Variants in KLHL23 observed in about 807,000 individuals in gnomAD.
KLHL23 encodes the protein kelch like family member 23.
In KLHL23, 33 loss-of-function variants were observed where a neutral mutation model predicts 48.9. The ratio of observed to expected loss-of-function variants is 0.67; its 90% confidence interval spans 0.51 to 0.90. The LOEUF (loss-of-function observed/expected upper bound fraction) is 0.90. Ranked by LOEUF, KLHL23 falls within the 40% of genes least tolerant of loss-of-function variation. KLHL23 has a pLI of 0.00. For synonymous variants in KLHL23, 234 were observed against 231.6 expected, an observed-to-expected ratio of 1.01 and a Z score of -0.09; for missense variants, 608 against 669.6, an observed-to-expected ratio of 0.91 and a Z score of 1.02.
At chr2:169,744,105 T>C (rs1403561374) in intron 3 of KLHL23, among the ~76,000 whole-genome samples, 6 of 152,208 alleles carry the variant, frequency 3.9e-5, no homozygotes, top group African/African-American at 1.2e-4. Flanking sequence ...AGACCCTACA[T>C]TGGAAAAGGT....
rs755615978 is a variant in KLHL23, at chr2:169,751,282, A to G, written c.*1550A>G. 77 of 152,164 alleles carry G rather than the reference A, an allele frequency of 5.1e-4. 1 individual carries two copies. Among genetic ancestry groups the G allele is most frequent in the Non-Finnish European group, 8.5e-4 (58 of 68,044 alleles). The allele number at this position is 152,164 out of a possible 1,614,324, so 9.4% of individuals were successfully genotyped here. A position where few individuals can be genotyped will look rare whatever the true frequency, so the allele number is the denominator to read the frequency against. ...TGAGACCATCTATTCCACACTCTTC[A>G]TTTTTTAAAAAGAGACAATAATTAT... On this transcript the variant is annotated 3_prime_UTR_variant, in exon 4 of 4. Coordinates refer to ENST00000392647, the MANE Select transcript of KLHL23 (RefSeq NM_144711.6).
intron 2 of KLHL23, among the ~76,000 whole-genome samples, chr2:169,740,824 T>A (rs1371709184): frequency 6.8e-6 from 1 of 147,910 alleles, no homozygotes; most frequent in African/African-American, 2.5e-5. Context: ...CTCGTTAAAC[T>A]TTTTTGTTAA....
At chr2:169,746,803 A>G (rs1688801393) in intron 3 of KLHL23, among the ~76,000 whole-genome samples, 1 of 152,258 alleles carries the variant, frequency 6.6e-6, no homozygotes, top group Non-Finnish European at 1.5e-5. Flanking sequence ...AAGTAATTTA[A>G]GAAAAGCCTA....
Position 169,749,866 on chromosome 2 carries a change from A to G in KLHL23, c.*134A>G. On this transcript the variant is annotated 3_prime_UTR_variant, in exon 4 of 4. Coordinates refer to ENST00000392647, the MANE Select transcript of KLHL23 (RefSeq NM_144711.6). ...AGGGGATCAGTAAATTGTAATTCCTAACCCTACTGTACTCCCAAACATGGT... is the reference window on the plus strand; with the variant it reads ...AGGGGATCAGTAAATTGTAATTCCTGACCCTACTGTACTCCCAAACATGGT... 9.6e-7 allele frequency: 1 copy of G among 1,040,256 alleles called. No individual in the cohort carries two copies. The highest frequency in any genetic ancestry group is 2.9e-5 in the Admixed American group (1 of 34,536). 64.4% of individuals were successfully genotyped at this position (1,040,256 alleles called of 1,614,324 possible). A position where few individuals can be genotyped will look rare whatever the true frequency, so the allele number is the denominator to read the frequency against.
At position 169,736,122 on chromosome 2, in the gene KLHL23, T is replaced by A; in HGVS notation, c.1108T>A (p.Cys370Ser). 1 of 1,614,180 alleles carries A rather than the reference T, an allele frequency of 6.2e-7. No individual in the cohort carries two copies. Among genetic ancestry groups the A allele is most frequent in the Non-Finnish European group, 8.5e-7 (1 of 1,180,020 alleles). Residue 370 changes from cysteine (C) to serine (S), a missense_variant, in exon 2 of 4, where the codon TGT (cysteine) becomes AGT (serine). Coordinates refer to ENST00000392647, the MANE Select transcript of KLHL23 (RefSeq NM_144711.6). ...CCACTGTGCAGTCACCTTGGGTGGC[T>A]GTGTCTATGCTTTAGGTGGTTACAG... ...YYHCAVTLGG[C>S]VYALGGYRKG... is the part of the protein sequence containing the mutation.
At chr2:169,747,886 G>A (rs1242997262) in intron 3 of KLHL23, among the ~76,000 whole-genome samples, 2 of 152,080 alleles carry the variant, frequency 1.3e-5, no homozygotes, top group Admixed American at 1.3e-4. Flanking sequence ...ACTTTGAGAG[G>A]CTGAGGCAGA....
Position 169,735,434 on chromosome 2 carries a change from T to C in KLHL23, c.420T>C (p.Ile140=). ...LVRHLDIDNC[I]GMHSFAEFHV... ...GGCACTTGGATATTGATAATTGTAT[T>C]GGAATGCACTCCTTTGCAGAATTTC... The change falls in exon 2 of 4, where the codon ATT becomes ATC. Residue 140 remains isoleucine (I), a synonymous_variant. Coordinates refer to ENST00000392647, the MANE Select transcript of KLHL23 (RefSeq NM_144711.6). This position sits in a 1 kb window ranked among gnomAD's most constrained non-coding sequence, Gnocchi z 4.5. 6.2e-7 allele frequency: 1 copy of C among 1,614,000 alleles called. No homozygotes were observed. The highest frequency in any genetic ancestry group is 8.5e-7 in the Non-Finnish European group (1 of 1,180,022).
At chr2:169,746,395 A>C (rs574567089) in intron 3 of KLHL23, among the ~76,000 whole-genome samples, 8 of 152,356 alleles carry the variant, frequency 5.3e-5, no homozygotes, top group South Asian at 2.1e-4. Flanking sequence ...CACTGAATAC[A>C]GACTGCTGTG....
intron 3 of KLHL23, among the ~76,000 whole-genome samples, chr2:169,742,964 G>C (rs529277935): frequency 6.6e-6 from 1 of 152,290 alleles, no homozygotes; most frequent in South Asian, 2.1e-4. Flanking sequence ...GCTAGGTACT[G>C]TTTTTATCAC....
intron 3 of KLHL23, among the ~76,000 whole-genome samples, chr2:169,748,768 ACCG>A (rs1688866135): frequency 1.5e-4 from 1 of 6,650 alleles, no homozygotes; most frequent in African/African-American, 4.6e-4. Flanking sequence ...TAGGAGGAGG[ACCG>A]CCCCCCCCCC....
At position 169,749,835 on chromosome 2, in the gene KLHL23, C is replaced by A; in HGVS notation, c.*103C>A. 1.5e-6 allele frequency: 2 copies of A among 1,376,502 alleles called. No homozygotes were observed. Among genetic ancestry groups the A allele is most frequent in the Non-Finnish European group, 9.8e-7 (1 of 1,020,984 alleles). 85.3% of individuals were successfully genotyped at this position (1,376,502 alleles called of 1,614,324 possible). ...CCTTACCTGATAATTGTGTCTGGCA[C>A]ATGATAGGGGATCAGTAAATTGTAA... On this transcript the variant is annotated 3_prime_UTR_variant, in exon 4 of 4. Transcript: ENST00000392647.
chr2:169,736,239 TTA>T lies in KLHL23; in HGVS notation c.1213+14_1213+15del, dbSNP rs773491394. The T allele has an allele frequency of 5.7e-6, 9 of 1,579,720 alleles. No individual in the cohort carries two copies. The highest frequency in any genetic ancestry group is 7.7e-6 in the Non-Finnish European group (9 of 1,165,514). On this transcript the variant is annotated intron_variant, in intron 2 of 3. Transcript: ENST00000392647. ...AAACATGATTAAAGGTAAGTGGAGATTATGTTTATTTTGTATTTTTTAGATGT... is the reference window on the plus strand; with the variant it reads ...AAACATGATTAAAGGTAAGTGGAGATTGTTTATTTTGTATTTTTTAGATGT...
At chr2:169,741,643 C>T (rs1020446981) in intron 3 of KLHL23, 106 bp downstream of exon 3, 4 of 1,342,312 alleles carry the variant, frequency 3.0e-6, no homozygotes, top group Non-Finnish European at 4.0e-6. Context: ...TTATTGTAGA[C>T]TACACATGGG....
chr2:169,748,840 G>A (rs1413357363), intron 3 of KLHL23, among the ~76,000 whole-genome samples: 1 of 142,192 alleles, frequency 7.0e-6, no homozygotes, highest in Non-Finnish European at 1.5e-5. Context: ...CCCTCCGCCT[G>A]GGGGCACCCT....
chr2:169,735,489 C>T lies in KLHL23; in HGVS notation c.475C>T (p.Arg159Ter), dbSNP rs1688487443. Reference protein sequence around the residue: ...HVCPELEKESRRILCSKFKEV... With the variant: ...HVCPELEKES ...GTGTCCAGAACTAGAGAAGGAATCT[C>T]GAAGAATTCTATGTTCAAAGTTTAA... Residue 159 changes from arginine to a stop codon, truncating the protein, a stop_gained, in exon 2 of 4, where the codon CGA becomes TGA. Coordinates refer to ENST00000392647, the MANE Select transcript of KLHL23 (RefSeq NM_144711.6). LOFTEE classifies it high-confidence loss of function. The surrounding 1 kb of genome is among the most constrained non-coding windows in gnomAD (Gnocchi z 4.5). The T allele has an allele frequency of 1.2e-6, 2 of 1,613,948 alleles. No homozygotes were observed. The highest frequency in any genetic ancestry group is 1.7e-6 in the Non-Finnish European group (2 of 1,180,012).
chr2:169,739,550 C>T (rs996957125), intron 2 of KLHL23, among the ~76,000 whole-genome samples: 1 of 152,188 alleles, frequency 6.6e-6, no homozygotes, highest in African/African-American at 2.4e-5. Context: ...CTCCTCTCAT[C>T]TATACTTGCC....
chr2:169,735,583 A>G lies in KLHL23; in HGVS notation c.569A>G (p.Lys190Arg). Residue 190 changes from lysine (K) to arginine (R), a missense_variant, in exon 2 of 4, where the codon AAG (lysine) becomes AGG (arginine). Lys to Arg is a conservative substitution (Grantham distance 26, BLOSUM62 2). Around this residue, in one of 3 missense-constraint regions of KLHL23, gnomAD observed 419 missense variants for 473.1 expected, o/e 0.89. Coordinates refer to ENST00000392647, the MANE Select transcript of KLHL23 (RefSeq NM_144711.6). The surrounding 1 kb of genome is among the most constrained non-coding windows in gnomAD (Gnocchi z 4.5). ...AAGTTTCTCTTTATCTTGTCCAGAA[A>G]GAATCTCAGTGTTTGGAAAGAAGAA... ...LEKFLFILSR[K>R]NLSVWKEEAI... 4 of 1,613,976 alleles carry G rather than the reference A, an allele frequency of 2.5e-6. No homozygotes were observed. Among genetic ancestry groups the G allele is most frequent in the East Asian group, 4.5e-5 (2 of 44,880 alleles).
intron 3 of KLHL23, among the ~76,000 whole-genome samples, chr2:169,745,246 C>T (rs1183906934): frequency 6.6e-6 from 1 of 152,022 alleles, no homozygotes; most frequent in Admixed American, 6.5e-5. Context: ...GGCGCGGTGG[C>T]TCACGCCTGT....
At chr2:169,736,510 CT>C (rs1688521437) in intron 2 of KLHL23, among the ~76,000 whole-genome samples, 1 of 152,148 alleles carries the variant, frequency 6.6e-6, no homozygotes, top group Non-Finnish European at 1.5e-5. Flanking sequence ...TAAAATTCTG[CT>C]ATTCAACTTT....
Sources: gnomAD v4.1 joint callset for allele counts (sites outside exome capture counted in the v4.1 genomes callset) on GRCh38, gnomAD v4.1.1 for gene constraint, gnomAD v4.1.1 regional missense constraint, Gnocchi (gnomAD v3.1) non-coding constraint, MANE v1.5 for transcripts, NCBI Gene and HGNC (gene_info 2026-07-23, HGNC 2026-07-21) for gene names.